The following PTGS1 variants were observed in gnomAD, a reference collection of about 807,000 sequenced individuals.
The protein encoded by PTGS1 is prostaglandin-endoperoxide synthase 1.
Under a neutral mutation model 63.0 loss-of-function variants are expected in PTGS1, and 40 were observed. The observed-to-expected ratio is 0.63, with a 90% CI of 0.49 to 0.83. The LOEUF (loss-of-function observed/expected upper bound fraction) is 0.83. PTGS1 is among the 40% of genes least tolerant of loss of function. The pLI, the probability that PTGS1 is intolerant of heterozygous loss-of-function variation, is 0.00. For missense variants in PTGS1, 709 were observed against 786.5 expected (o/e 0.90, Z 1.18); for synonymous variants, 298 against 301.9 (o/e 0.99, Z 0.13).
chr9:122,388,074 C>T (rs112442096), intron 9 of PTGS1, among the ~76,000 whole-genome samples: 148 of 152,336 alleles, frequency 9.7e-4, no homozygotes, highest in African/African-American at 3.4e-3. Context: ...AGACAATAGC[C>T]TTTGTGTGAG....
intron 7 of PTGS1, among the ~76,000 whole-genome samples, chr9:122,382,842 T>C (rs1488719767): frequency 6.6e-6 from 1 of 152,208 alleles, no homozygotes; most frequent in African/African-American, 2.4e-5. Flanking sequence ...TGAGTGCCAC[T>C]AGAGTGTTTG....
At position 122,393,890 on chromosome 9, in the gene PTGS1, C is replaced by T. The variant is rs1399577580; in HGVS notation, c.*1346C>T. On this transcript the variant is annotated 3_prime_UTR_variant, in exon 11 of 11. Transcript: ENST00000362012. ...GCCTCCACCTGATATTCAGGCTACTCATTCAGTCCCAAATATGTATTTTCC... is the reference window on the plus strand; with the variant it reads ...GCCTCCACCTGATATTCAGGCTACTTATTCAGTCCCAAATATGTATTTTCC... The T allele has an allele frequency of 6.6e-6, 1 of 152,206 alleles. No individual in the cohort carries two copies. Among genetic ancestry groups the T allele is most frequent in the East Asian group, 1.9e-4 (1 of 5,194 alleles). The allele number at this position is 152,206 out of a possible 1,614,324, so 9.4% of individuals were successfully genotyped here.
At chr9:122,385,724 G>C (rs1837829775) in intron 8 of PTGS1, among the ~76,000 whole-genome samples, 1 of 152,084 alleles carries the variant, frequency 6.6e-6, no homozygotes, top group East Asian at 1.9e-4. Flanking sequence ...ATCACCGAGG[G>C]TGTCAGCATG....
intron 7 of PTGS1, 97 bp downstream of exon 7, chr9:122,381,844 A>G: frequency 1.6e-6 from 2 of 1,284,356 alleles, no homozygotes; most frequent in Non-Finnish European, 2.2e-6. Flanking sequence ...ATGTCCTGAG[A>G]GGGCCAACCA....
intron 3 of PTGS1, 89 bp downstream of exon 3, chr9:122,378,104 C>G: frequency 8.1e-7 from 1 of 1,236,980 alleles, no homozygotes; most frequent in South Asian, 1.2e-5. Flanking sequence ...TCCTACCCTC[C>G]TCTCTGACCA....
Position 122,392,401 on chromosome 9 carries a change from G to A in PTGS1, c.1657G>A (p.Val553Met), listed in dbSNP as rs1202443510. 6.2e-7 allele frequency: 1 copy of A among 1,614,180 alleles called. No individual in the cohort carries two copies. The highest frequency in any genetic ancestry group is 1.7e-5 in the Admixed American group (1 of 60,024). The change falls in exon 11 of 11, where the codon GTG becomes ATG. Residue 553 changes from valine to methionine, a missense_variant. By Grantham distance (21) the Val-to-Met change is conservative. Coordinates refer to ENST00000362012, the MANE Select transcript of PTGS1 (RefSeq NM_000962.4). ...GAAGCCGAGCACATTTGGCGGCGAG[G>A]TGGGCTTTAACATTGTCAAGACGGC... is the stretch of plus-strand genomic sequence containing the variant. Reference protein sequence around the residue: ...YWKPSTFGGEVGFNIVKTATL... With the variant: ...YWKPSTFGGEMGFNIVKTATL...
chr9:122,390,223 A>G lies in PTGS1; in HGVS notation c.1322A>G (p.His441Arg), dbSNP rs922186878. The G allele has an allele frequency of 1.2e-6, 2 of 1,613,846 alleles. No homozygotes were observed. Among genetic ancestry groups the G allele is most frequent in the Admixed American group, 3.3e-5 (2 of 59,978 alleles). The change falls in exon 10 of 11, where the codon CAC becomes CGC. Residue 441 changes from histidine (H) to arginine (R), a missense_variant. By Grantham distance (29) the His-to-Arg change is conservative (BLOSUM62 0). Transcript: ENST00000362012. The part of the protein sequence containing the change: ...GRIGGGRNMD[H>R]HILHVAVDVI... ...ATCGGTGGGGGCAGGAACATGGACC[A>G]CCACATCCTGCATGTGGCTGTGGAT...
chr9:122,373,962 AC>A (rs1188207980), intron 2 of PTGS1, among the ~76,000 whole-genome samples: 1 of 151,260 alleles, frequency 6.6e-6, no homozygotes, highest in African/African-American at 2.4e-5. Flanking sequence ...GCAGCCTGAC[AC>A]CTCTGCATCC....
chr9:122,378,065 C>G (rs2119135180), intron 3 of PTGS1, 50 bp downstream of exon 3: 1 of 1,527,416 alleles, frequency 6.5e-7, no homozygotes, highest in Non-Finnish European at 9.0e-7. Context: ...CCCTTCTGCT[C>G]CCCGGGCCCT....
intron 5 of PTGS1, among the ~76,000 whole-genome samples, chr9:122,380,036 T>A (rs1837416117): frequency 6.6e-6 from 1 of 152,182 alleles, no homozygotes; most frequent in African/African-American, 2.4e-5. Flanking sequence ...GGATGACTTG[T>A]CTTTATGCCA....
At position 122,391,360 on chromosome 9, in the gene PTGS1, TATATATATATAC is replaced by T. The variant is rs1564147161; in HGVS notation, c.1445-817_1445-806del. Among the ~76,000 whole-genome samples the T allele has an allele frequency of 1.2e-4, 6 of 51,646 alleles. No homozygotes were observed. The African/African-American group carries it at 1.2e-3, about 11-fold the overall frequency. 33.9% of individuals were successfully genotyped at this position (51,646 alleles called of 152,430 possible). ...TGTATATATATACTATATATATACA[TATATATATATAC>T]ATATATATATATACATATATATATA... On this transcript the variant is annotated intron_variant, in intron 10 of 10. Transcript: ENST00000362012.
At chr9:122,377,439 C>CCGTCCT (rs1243140725) in intron 2 of PTGS1, among the ~76,000 whole-genome samples, 1 of 152,116 alleles carries the variant, frequency 6.6e-6, no homozygotes, top group African/African-American at 2.4e-5. Context: ...GGAGAAGTCC[C>CCGTCCT]CGTCCTCGTC....
chr9:122,386,392 G>A lies in PTGS1; in HGVS notation c.1010-54G>A. ...ATGAACTGGCCTGCTTTCCAAGCTG[G>A]GCATCTAAATCACTGTGCTTGGCTG... On this transcript the variant is annotated intron_variant, in intron 8 of 10. Coordinates refer to ENST00000362012, the MANE Select transcript of PTGS1 (RefSeq NM_000962.4). 6 of 1,578,408 alleles carry A rather than the reference G, an allele frequency of 3.8e-6. No individual in the cohort carries two copies. In the South Asian group the frequency reaches 4.6e-5, roughly 12 times the overall value.
At position 122,392,806 on chromosome 9, in the gene PTGS1, T is replaced by C. The variant is rs1280840450; in HGVS notation, c.*262T>C. ...TCTGCCAGAATACTGGGTTCTTAGT[T>C]GACAACCTAGAATGTCAGATTTCTG... On this transcript the variant is annotated 3_prime_UTR_variant, in exon 11 of 11. Coordinates refer to ENST00000362012, the MANE Select transcript of PTGS1 (RefSeq NM_000962.4). 1 of 375,552 alleles carries C rather than the reference T, an allele frequency of 2.7e-6. No homozygotes were observed. The highest frequency in any genetic ancestry group is 4.0e-5 in the East Asian group (1 of 24,958). 23.3% of individuals were successfully genotyped at this position (375,552 alleles called of 1,614,324 possible).
At chr9:122,379,766 T>G (rs1412590946) in intron 5 of PTGS1, among the ~76,000 whole-genome samples, 1 of 152,198 alleles carries the variant, frequency 6.6e-6, no homozygotes, top group African/African-American at 2.4e-5. Flanking sequence ...GACAGATCAC[T>G]CCCTCTAACT....
At chr9:122,374,055 G>A (rs375749072) in intron 2 of PTGS1, among the ~76,000 whole-genome samples, 1 of 152,116 alleles carries the variant, frequency 6.6e-6, no homozygotes, top group African/African-American at 2.4e-5. Context: ...TTTGGGCTAG[G>A]GGGTGTTCCT....
chr9:122,371,982 G>C (rs994826830), intron 2 of PTGS1: 2 of 641,410 alleles, frequency 3.1e-6, no homozygotes, highest in African/African-American at 3.6e-5. Context: ...TGGGTTTCAT[G>C]GGGGAGGTTG....
At chr9:122,387,457 T>C (rs946543322) in intron 9 of PTGS1, among the ~76,000 whole-genome samples, 11 of 152,186 alleles carry the variant, frequency 7.2e-5, no homozygotes, top group Non-Finnish European at 1.6e-4. Flanking sequence ...AGAACCTTAG[T>C]ATGTGACTGC....
chr9:122,377,470 C>T (rs939448810), intron 2 of PTGS1, among the ~76,000 whole-genome samples: 2 of 151,434 alleles, frequency 1.3e-5, no homozygotes, highest in Admixed American at 1.3e-4. Flanking sequence ...TTCTGACCGC[C>T]CCCCCACCCC....
Sources: gnomAD v4.1 joint callset for allele counts (sites outside exome capture counted in the v4.1 genomes callset) on GRCh38, gnomAD v4.1.1 for gene constraint, MANE v1.5 for transcripts, NCBI Gene and HGNC (gene_info 2026-07-23, HGNC 2026-07-21) for gene names.